Variants in DECR2 observed in about 807,000 individuals in gnomAD.
The protein encoded by DECR2 is 2,4-dienoyl-CoA reductase 2.
In DECR2, 34 loss-of-function variants were observed where a neutral mutation model predicts 29.2. The ratio of observed to expected loss-of-function variants is 1.16; its 90% CI spans 0.89 to 1.55. The LOEUF (loss-of-function observed/expected upper bound fraction) is 1.55. DECR2 is among the 40% of genes most tolerant of loss of function. The pLI is 0.00. For synonymous variants in DECR2, 224 were observed against 182.7 expected (o/e 1.23, Z -1.82); for missense variants, 485 against 425.3 (o/e 1.14, Z -1.23).
chr16:406,460 G>A, intron 3 of DECR2, 63 bp downstream of exon 3: 1 of 1,570,182 alleles, frequency 6.4e-7, no homozygotes, highest in Non-Finnish European at 8.7e-7. Context: ...GGCTGGGCCT[G>A]GGCCAGGAGA....
In DECR2 at chr16:410,085, TG is replaced by T; in HGVS notation, c.338-156del. The T allele has an allele frequency of 1.8e-6, 2 of 1,083,392 alleles. No individual in the cohort carries two copies. Among genetic ancestry groups the T allele is most frequent in the Non-Finnish European group, 2.6e-6 (2 of 775,922 alleles). 67.1% of individuals were successfully genotyped at this position (1,083,392 alleles called of 1,614,324 possible). A position where few individuals can be genotyped will look rare whatever the true frequency, so the allele number is the denominator to read the frequency against. On this transcript the variant is annotated intron_variant, in intron 4 of 8. Coordinates refer to ENST00000219481, the MANE Select transcript of DECR2 (RefSeq NM_020664.4). The surrounding 1 kb of genome is among the most constrained non-coding windows in gnomAD (Gnocchi z 4.1). ...TGCAGCCAGGACGCCCGTCTTGCTC[TG>T]GTCATTTTGGAATTTATCCTAGGGC...
Position 404,840 on chromosome 16 carries a change from A to G in DECR2, c.81-116A>G, listed in dbSNP as rs548978617. ...AGACGAGGTTTTACCATATTGTCCA[A>G]GCTGGTCTCGATCTCCTGACCTTGT... On this transcript the variant is annotated intron_variant, in intron 1 of 8. Coordinates refer to ENST00000219481, the MANE Select transcript of DECR2 (RefSeq NM_020664.4). 6 of 940,634 alleles carry G rather than the reference A, an allele frequency of 6.4e-6. No individual in the cohort carries two copies. In the African/African-American group the frequency reaches 9.9e-5, roughly 16 times the overall value. The allele number at this position is 940,634 out of a possible 1,614,324, so 58.3% of individuals were successfully genotyped here.
intron 7 of DECR2, 125 bp downstream of exon 7, chr16:411,201 C>G: frequency 8.3e-7 from 1 of 1,202,144 alleles, no homozygotes; most frequent in East Asian, 2.6e-5. Flanking sequence ...ATGGTGGCAA[C>G]TATGTTCTGT....
At chr16:407,773 T>C (rs1391207857) in intron 4 of DECR2, among the ~76,000 whole-genome samples, 1 of 133,346 alleles carries the variant, frequency 7.5e-6, no homozygotes, top group East Asian at 2.3e-4. Context: ...TCCGGGCCCC[T>C]GTCTCCGGGC....
chr16:401,970 C>T lies in DECR2; in HGVS notation c.7C>T (p.Gln3Ter). The T allele has an allele frequency of 6.7e-7, 1 of 1,489,762 alleles. No individual in the cohort carries two copies. The highest frequency in any genetic ancestry group is 8.9e-7 in the Non-Finnish European group (1 of 1,127,626). 92.3% of individuals were successfully genotyped at this position (1,489,762 alleles called of 1,614,324 possible). Residue 3 changes from glutamine to a stop codon, truncating the protein, a stop_gained, in exon 1 of 9, where the codon CAG (glutamine) becomes TAG (stop). Coordinates refer to ENST00000219481, the MANE Select transcript of DECR2 (RefSeq NM_020664.4). LOFTEE classifies it high-confidence loss of function. MA[Q>*]PPPDVEGDDC... is the part of the protein sequence containing the mutation. ...AGTCCCCGACGGGAGCGCCATGGCC[C>T]AGCCGCCGCCCGACGTGGAGGGGGA...
Position 404,845 on chromosome 16 carries a change from G to A in DECR2, c.81-111G>A, listed in dbSNP as rs2054706051. On this transcript the variant is annotated intron_variant, in intron 1 of 8. Coordinates refer to ENST00000219481, the MANE Select transcript of DECR2 (RefSeq NM_020664.4). ...AGGTTTTACCATATTGTCCAAGCTG[G>A]TCTCGATCTCCTGACCTTGTGGCCC... is the stretch of plus-strand genomic sequence containing the variant. The A allele has an allele frequency of 6.5e-5, 64 of 980,430 alleles. No homozygotes were observed. In the South Asian group the frequency reaches 8.9e-4, roughly 14 times the overall value. The allele number at this position is 980,430 out of a possible 1,614,324, so 60.7% of individuals were successfully genotyped here. A position where few individuals can be genotyped will look rare whatever the true frequency, so the allele number is the denominator to read the frequency against.
At chr16:406,199 C>G in intron 2 of DECR2, 147 bp from the exon 3 acceptor site, 1 of 767,262 alleles carries the variant, frequency 1.3e-6, no homozygotes, top group Middle Eastern at 2.8e-4. Flanking sequence ...GTACCTCAGT[C>G]CTGTTCACGC....
At chr16:405,292 C>A (rs371138838) in intron 2 of DECR2, 3 of 588,224 alleles carry the variant, frequency 5.1e-6, no homozygotes, top group Admixed American at 6.1e-5. Context: ...CTGTGTCGGG[C>A]CCCAGTGCTG....
Position 410,107 on chromosome 16 carries a change from A to C in DECR2, c.338-136A>C. The C allele has an allele frequency of 1.6e-6, 2 of 1,268,172 alleles. No individual in the cohort carries two copies. Among genetic ancestry groups the C allele is most frequent in the South Asian group, 3.0e-5 (2 of 66,160 alleles). 78.6% of individuals were successfully genotyped at this position (1,268,172 alleles called of 1,614,324 possible). A position where few individuals can be genotyped will look rare whatever the true frequency, so the allele number is the denominator to read the frequency against. ...CTCTGGTCATTTTGGAATTTATCCT[A>C]GGGCATGGGTCTCCTCCCTGTGCCA... is the stretch of plus-strand genomic sequence containing the variant. On this transcript the variant is annotated intron_variant, in intron 4 of 8. Transcript: ENST00000219481. The surrounding 1 kb of genome is among the most constrained non-coding windows in gnomAD (Gnocchi z 4.1).
intron 8 of DECR2, 114 bp downstream of exon 8, chr16:411,692 C>T (rs571173060): frequency 6.0e-5 from 72 of 1,208,038 alleles, no homozygotes; most frequent in African/African-American, 5.6e-4. Context: ...CCCATCCTCC[C>T]GGCCCCTGCG....
Position 410,386 on chromosome 16 carries a change from C to G in DECR2, c.462+19C>G, listed in dbSNP as rs377244160. ...CTTCCGGGTGGGTGCCTCGTGCGCT[C>G]TGTGAGAAGTTCTTCCGGGTGGGTG... On this transcript the variant is annotated intron_variant, in intron 5 of 8. Coordinates refer to ENST00000219481, the MANE Select transcript of DECR2 (RefSeq NM_020664.4). This position sits in a 1 kb window ranked among gnomAD's most constrained non-coding sequence, Gnocchi z 4.1. 12 of 1,584,874 alleles carry G rather than the reference C, an allele frequency of 7.6e-6. No individual in the cohort carries two copies. In the African/African-American group the frequency reaches 1.8e-4, roughly 23 times the overall value.
intron 3 of DECR2, 60 bp downstream of exon 3, chr16:406,457 C>T (rs1383877223): frequency 2.9e-5 from 46 of 1,578,756 alleles, no homozygotes; most frequent in East Asian, 1.6e-4. Context: ...TGGGGCTGGG[C>T]CTGGGCCAGG....
chr16:409,232 C>T (rs943993931), intron 4 of DECR2, among the ~76,000 whole-genome samples: 53 of 150,444 alleles, frequency 3.5e-4, no homozygotes, highest in African/African-American at 1.3e-3. Context: ...AGTGCAGTGG[C>T]GCAATCTTGG....
chr16:410,854 G>T lies in DECR2; in HGVS notation c.556+70G>T. The stretch of plus-strand genomic sequence containing the variant: ...AATGGGCCGTCTGCTTCCATCCCAG[G>T]AGGCCAGCAGTCTCCACTTGAAGCT... On this transcript the variant is annotated intron_variant, in intron 6 of 8. Coordinates refer to ENST00000219481, the MANE Select transcript of DECR2 (RefSeq NM_020664.4). This position sits in a 1 kb window ranked among gnomAD's most constrained non-coding sequence, Gnocchi z 4.1. The T allele has an allele frequency of 6.6e-7, 1 of 1,524,428 alleles. No individual in the cohort carries two copies. The highest frequency in any genetic ancestry group is 2.0e-5 in the Admixed American group (1 of 50,462). 94.4% of individuals were successfully genotyped at this position (1,524,428 alleles called of 1,614,324 possible). A position where few individuals can be genotyped will look rare whatever the true frequency, so the allele number is the denominator to read the frequency against.
chr16:410,673 G>C lies in DECR2; in HGVS notation c.463-18G>C, dbSNP rs3743895. 6.3e-7 allele frequency: 1 copy of C among 1,591,634 alleles called. No individual in the cohort carries two copies. The highest frequency in any genetic ancestry group is 8.5e-7 in the Non-Finnish European group (1 of 1,170,880). On this transcript the variant is annotated intron_variant, in intron 5 of 8. Transcript: ENST00000219481. The surrounding 1 kb of genome is among the most constrained non-coding windows in gnomAD (Gnocchi z 4.1). Reference sequence around the variant, plus strand: ...CCGACACCCGCCCGCTCACTGCCCCGGGCCTTGTGTGTTGCAGGACCACGG... The same window carrying C: ...CCGACACCCGCCCGCTCACTGCCCCCGGCCTTGTGTGTTGCAGGACCACGG...
chr16:402,660 A>C (rs537279069), intron 1 of DECR2, among the ~76,000 whole-genome samples: 25 of 149,794 alleles, frequency 1.7e-4, no homozygotes, highest in Non-Finnish European at 3.4e-4. Context: ...TCTTTTTTTC[A>C]ATTGGCAACA....
intron 7 of DECR2, 64 bp from the exon 8 acceptor site, chr16:411,296 TG>T: frequency 1.3e-6 from 2 of 1,488,320 alleles, no homozygotes; most frequent in Non-Finnish European, 1.8e-6. Flanking sequence ...GGGAATGAGC[TG>T]GGGGAGAGGG....
At chr16:405,164 A>T in intron 2 of DECR2, 140 bp downstream of exon 2, 1 of 1,046,784 alleles carries the variant, frequency 9.6e-7, no homozygotes, top group Non-Finnish European at 1.4e-6. Context: ...TGCCTGCCAG[A>T]GGGACTGGGG....
At position 410,706 on chromosome 16, in the gene DECR2, A is replaced by T; in HGVS notation, c.478A>T (p.Ile160Phe). 1 of 1,606,980 alleles carries T rather than the reference A, an allele frequency of 6.2e-7. No homozygotes were observed. The highest frequency in any genetic ancestry group is 8.5e-7 in the Non-Finnish European group (1 of 1,178,542). Reference protein sequence around the residue: ...EKFFRDHGGVIVNITATLGNR... With the variant: ...EKFFRDHGGVFVNITATLGNR... ...TGTGTTGCAGGACCACGGAGGGGTG[A>T]TCGTGAACATCACTGCCACCCTGGG... Residue 160 changes from isoleucine to phenylalanine, a missense_variant, in exon 6 of 9, where the codon ATC becomes TTC. Coordinates refer to ENST00000219481, the MANE Select transcript of DECR2 (RefSeq NM_020664.4). This position sits in a 1 kb window ranked among gnomAD's most constrained non-coding sequence, Gnocchi z 4.1.
Sources: allele counts gnomAD v4.1 joint callset (sites outside exome capture counted in the v4.1 genomes callset), GRCh38; gene constraint gnomAD v4.1.1; non-coding constraint Gnocchi (gnomAD v3.1); transcripts MANE v1.5; gene names NCBI Gene and HGNC (gene_info 2026-07-23, HGNC 2026-07-21).